The following AFF3 variants were observed in gnomAD, a reference collection of about 807,000 sequenced individuals.
AFF3 encodes the protein ALF transcription elongation factor 3.
A neutral mutation model predicts 129.7 loss-of-function variants in AFF3; 32 were observed. The observed-to-expected ratio is 0.25, with a 90% CI of 0.19 to 0.33. AFF3 has a LOEUF of 0.33. Among genes scored for constraint, AFF3 ranks in the 10% least tolerant of loss-of-function variants. AFF3 has a pLI of 1.00. For synonymous variants in AFF3, 644 were observed against 635.4 expected (o/e 1.01, Z -0.20); for missense variants, 1,373 against 1,592.0 (o/e 0.86, Z 2.34).
rs546712235 is a variant in AFF3, at chr2:99,836,540, A to G, written c.921+937T>C. ...AGTTATTCTGGTCAACTTGAGACTT[A>G]GATTTATTTATGAAATAATGCTTTC... On this transcript the variant is annotated intron_variant, in intron 8 of 24. Transcript: ENST00000672756. Among the ~76,000 whole-genome samples, 10 of 152,292 alleles carry G rather than the reference A, an allele frequency of 6.6e-5. No individual in the cohort carries two copies. The East Asian group carries it at 1.9e-3, about 29-fold the overall frequency.
At chr2:99,680,399 G>T (rs1283050087) in intron 11 of AFF3, among the ~76,000 whole-genome samples, 2 of 152,210 alleles carry the variant, frequency 1.3e-5, no homozygotes, top group Non-Finnish European at 2.9e-5. Context: ...AATGCAAGTA[G>T]TGTGTGAAAG....
intron 7 of AFF3, among the ~76,000 whole-genome samples, chr2:99,885,679 T>G (rs1041372087): frequency 6.6e-6 from 1 of 152,070 alleles, no homozygotes; most frequent in African/African-American, 2.4e-5. Context: ...CTTGTAAGTT[T>G]TAGAGGTTGT....
chr2:99,652,965 C>G (rs2105657281), intron 12 of AFF3, among the ~76,000 whole-genome samples: 1 of 152,282 alleles, frequency 6.6e-6, no homozygotes, highest in Admixed American at 6.5e-5. Context: ...GGAACCCACG[C>G]AGACACCTCC....
intron 8 of AFF3, among the ~76,000 whole-genome samples, chr2:99,796,443 C>T (rs986284654): frequency 1.3e-5 from 2 of 152,174 alleles, no homozygotes; most frequent in African/African-American, 4.8e-5. Flanking sequence ...GGTTTTCAAG[C>T]ACTGGACATC....
chr2:99,972,353 T>C (rs1401482516), intron 7 of AFF3, among the ~76,000 whole-genome samples: 1 of 152,252 alleles, frequency 6.6e-6, no homozygotes, highest in Non-Finnish European at 1.5e-5. Flanking sequence ...TCACAGCTGC[T>C]ACAGTTGGTC....
intron 16 of AFF3, among the ~76,000 whole-genome samples, chr2:99,584,492 AAAT>A (rs565171345): frequency 5.9e-5 from 9 of 152,230 alleles, no homozygotes; most frequent in Admixed American, 5.2e-4. Context: ...TAAATAAATA[AAAT>A]AATAAATAAA....
At chr2:99,731,930 A>G (rs1445851474) in intron 10 of AFF3, among the ~76,000 whole-genome samples, 1 of 152,224 alleles carries the variant, frequency 6.6e-6, no homozygotes, top group African/African-American at 2.4e-5. Context: ...ATTTACATGA[A>G]ATGTATATAG....
chr2:99,817,750 T>C (rs2105648923), intron 8 of AFF3, among the ~76,000 whole-genome samples: 1 of 152,280 alleles, frequency 6.6e-6, no homozygotes, highest in South Asian at 2.1e-4. Flanking sequence ...GCTAAACAAC[T>C]AGCCTGGGTC....
chr2:99,789,740 G>A (rs79952406), intron 8 of AFF3, among the ~76,000 whole-genome samples: 53 of 152,264 alleles, frequency 3.5e-4, no homozygotes, highest in Non-Finnish European at 6.5e-4. Context: ...TCGAGGATTC[G>A]GAGGCTGCTT....
intron 20 of AFF3, 140 bp downstream of exon 20, chr2:99,565,346 AC>A: frequency 7.9e-7 from 1 of 1,273,066 alleles, no homozygotes; most frequent in Non-Finnish European, 1.1e-6. Flanking sequence ...GCCTTGCACG[AC>A]CTTACCCTCT....
At chr2:100,030,727 T>C (rs1314825710) in intron 4 of AFF3, among the ~76,000 whole-genome samples, 2 of 152,182 alleles carry the variant, frequency 1.3e-5, no homozygotes, top group Non-Finnish European at 2.9e-5. Context: ...CCTAAATGCA[T>C]ATTGTTAAAT....
chr2:99,633,238 C>G (rs1043991201), intron 13 of AFF3, among the ~76,000 whole-genome samples: 3 of 151,924 alleles, frequency 2.0e-5, no homozygotes, highest in African/African-American at 4.8e-5. Flanking sequence ...GCACCGTACA[C>G]GTGCCGAGAT....
intron 16 of AFF3, among the ~76,000 whole-genome samples, chr2:99,585,736 T>C (rs1272669334): frequency 1.3e-5 from 2 of 152,168 alleles, no homozygotes; most frequent in Non-Finnish European, 2.9e-5. Context: ...TTTTTCTTTT[T>C]CTTTTCTTTT....
chr2:99,545,916 C>A lies in AFF3; in HGVS notation c.*5558G>T, dbSNP rs536168412. On this transcript the variant is annotated 3_prime_UTR_variant, in exon 25 of 25. Transcript: ENST00000672756. The stretch of plus-strand genomic sequence containing the variant: ...TCCTCATGCCAAGCAAACAAGTTAA[C>A]CCCTTTGGTGACATATACAGAATAA... 1 of 202,870 alleles carries A rather than the reference C, an allele frequency of 4.9e-6. No homozygotes were observed. The highest frequency in any genetic ancestry group is 6.0e-5 in the Admixed American group (1 of 16,752). The allele number at this position is 202,870 out of a possible 1,614,324, so 12.6% of individuals were successfully genotyped here.
At chr2:99,563,342 C>G (rs1333436087) in intron 20 of AFF3, among the ~76,000 whole-genome samples, 1 of 151,708 alleles carries the variant, frequency 6.6e-6, no homozygotes, top group African/African-American at 2.4e-5. Context: ...AGGTGCCGGC[C>G]ACCACGCCCG....
rs376983681 is a variant in AFF3 at position 99,848,814 on chromosome 2, A to G, written c.874-11290T>C. ...TTATCTCTCGAATCTCCTCTCCAAC[A>G]TAATCACGCTAAGGAATAATATGCT... On this transcript the variant is annotated intron_variant, in intron 7 of 24. Coordinates refer to ENST00000672756, the MANE Select transcript of AFF3 (RefSeq NM_001386135.1). Among the ~76,000 whole-genome samples the G allele has an allele frequency of 5.3e-5, 8 of 152,216 alleles. No homozygotes were observed. The East Asian group carries it at 5.8e-4, about 11-fold the overall frequency.
chr2:99,574,891 C>A (rs947979501), intron 18 of AFF3, among the ~76,000 whole-genome samples: 29 of 152,110 alleles, frequency 1.9e-4, no homozygotes, highest in Non-Finnish European at 2.8e-4. Flanking sequence ...CTGAAGTTCA[C>A]TCTTCACCCT....
chr2:99,749,900 T>C (rs1188161143), intron 9 of AFF3, among the ~76,000 whole-genome samples: 1 of 152,206 alleles, frequency 6.6e-6, no homozygotes, highest in Non-Finnish European at 1.5e-5. Flanking sequence ...AGCTCAACTA[T>C]TGACATAGGG....
chr2:99,554,425 T>C lies in AFF3; in HGVS notation c.3445A>G (p.Ser1149Gly). ...ASALSPSTIV[S>G]IPQRIHQMAA... The stretch of plus-strand genomic sequence containing the variant: ...ATCTGGTGGATGCGCTGTGGGATGC[T>C]GACGATGGTCGACGGGGACAGGGCG... The change falls in exon 24 of 25, where the codon AGC becomes GGC. Residue 1149 changes from serine to glycine, a missense_variant. Ser to Gly is a moderately conservative substitution (Grantham distance 56). This residue lies in a region of AFF3 where 165 missense variants were observed against 234.0 expected (regional missense o/e 0.71). Coordinates refer to ENST00000672756, the MANE Select transcript of AFF3 (RefSeq NM_001386135.1). The C allele has an allele frequency of 1.9e-6, 3 of 1,614,158 alleles. No homozygotes were observed. Among genetic ancestry groups the C allele is most frequent in the Non-Finnish European group, 2.5e-6 (3 of 1,180,022 alleles).
Sources: allele counts gnomAD v4.1 joint callset (sites outside exome capture counted in the v4.1 genomes callset), GRCh38; gene constraint gnomAD v4.1.1; regional missense constraint gnomAD v4.1.1; transcripts MANE v1.5; gene names NCBI Gene and HGNC (gene_info 2026-07-23, HGNC 2026-07-21).